TTYH1: variants seen among roughly 807,000 people sequenced by gnomAD.
The protein encoded by TTYH1 is protein tweety homolog 1.
In TTYH1, 33 loss-of-function variants were observed where a neutral mutation model predicts 61.2. That is an observed-to-expected ratio of 0.54 (90% CI 0.41 to 0.72). The LOEUF is 0.72. Ranked by LOEUF, TTYH1 falls within the 30% of genes least tolerant of loss-of-function variation. The pLI, the probability that TTYH1 is intolerant of heterozygous loss-of-function variation, is 0.00. For missense variants in TTYH1, 538 were observed against 575.8 expected, an observed-to-expected ratio of 0.93 and a Z score of 0.67; for synonymous variants, 308 against 266.4, an observed-to-expected ratio of 1.16 and a Z score of -1.52.
chr19:54,435,409 G>C (rs559614927), intron 10 of TTYH1, 133 bp from the exon 11 acceptor site: 2 of 1,139,750 alleles, frequency 1.8e-6, no homozygotes, highest in South Asian at 1.5e-5. Context: ...CTTTGACAGG[G>C]GAAACTGAGG....
rs140680845 is a variant in TTYH1 at position 54,426,767 on chromosome 19, G to C, written c.733G>C (p.Val245Leu). 5 of 1,613,242 alleles carry C rather than the reference G, an allele frequency of 3.1e-6. No individual in the cohort carries two copies. The highest frequency in any genetic ancestry group is 2.2e-5 in the South Asian group (2 of 91,076). Reference protein sequence around the residue: ...LAKQSKWLVIVMTVMSLLVLV... With the variant: ...LAKQSKWLVILMTVMSLLVLV... ...GAAGCAGAGCAAGTGGCTGGTGATC[G>C]TGTAAGTGCAGGCAGTAGGGGGACC... The change falls in exon 5 of 14, where the codon GTG becomes CTG. Residue 245 changes from valine (V) to leucine (L), a missense_variant and splice_region_variant. This residue lies in a region of TTYH1 where 378 missense variants were observed against 401.2 expected (regional missense o/e 0.94). Transcript: ENST00000376530.
chr19:54,420,351 G>A lies in TTYH1; in HGVS notation c.306-926G>A, dbSNP rs1020854731. Among the ~76,000 whole-genome samples the A allele has an allele frequency of 7.2e-5, 11 of 152,182 alleles. No individual in the cohort carries two copies. The highest frequency in any genetic ancestry group is 9.6e-5 in the African/African-American group (4 of 41,460). On this transcript the variant is annotated intron_variant, in intron 2 of 13. Coordinates refer to ENST00000376530, the MANE Select transcript of TTYH1 (RefSeq NM_020659.4). The surrounding 1 kb of genome is among the most constrained non-coding windows in gnomAD (Gnocchi z 4.8). ...GGCTCTCTGGCGTGGGGGGAGACAG[G>A]GGAGGTGGACAAAGGCCCAGTGGGG...
Position 54,436,035 on chromosome 19 carries a change from A to C in TTYH1, c.1315-56A>C, listed in dbSNP as rs1270624599. The C allele has an allele frequency of 3.8e-6, 6 of 1,597,368 alleles. No homozygotes were observed. Among genetic ancestry groups the C allele is most frequent in the Non-Finnish European group, 5.1e-6 (6 of 1,165,988 alleles). On this transcript the variant is annotated intron_variant, in intron 12 of 13. Coordinates refer to ENST00000376530, the MANE Select transcript of TTYH1 (RefSeq NM_020659.4). This position sits in a 1 kb window ranked among gnomAD's most constrained non-coding sequence, Gnocchi z 4.3. The stretch of plus-strand genomic sequence containing the variant: ...GGAGGGGCTGGGGTCCCACAGTACA[A>C]AGCCAATTCCCACTCCATTCCCTCC...
At chr19:54,430,428 T>G in intron 7 of TTYH1, 122 bp from the exon 8 acceptor site, 7 of 1,078,680 alleles carry the variant, frequency 6.5e-6, no homozygotes, top group South Asian at 5.3e-5. Context: ...GGTAAGGCCA[T>G]CGGGCTCCAG....
Position 54,419,169 on chromosome 19 carries a change from C to T in TTYH1, c.168C>T (p.Gly56=), listed in dbSNP as rs2122860111. The change falls in exon 2 of 14, where the codon GGC becomes GGT. Residue 56 remains glycine (G), a synonymous_variant. Transcript: ENST00000376530. The surrounding 1 kb of genome is among the most constrained non-coding windows in gnomAD (Gnocchi z 6.1). ...CGGCCTTGGCGGGCCTGGGCTTGGG[C>T]CTGAGCCTCATTTTCATCGCTGTCT... ...LVAALAGLGL[G]LSLIFIAVYL... 6.2e-7 allele frequency: 1 copy of T among 1,613,310 alleles called. No individual in the cohort carries two copies. Among genetic ancestry groups the T allele is most frequent in the South Asian group, 1.1e-5 (1 of 91,084 alleles).
In TTYH1 at chr19:54,422,420, TG is replaced by T; in HGVS notation, c.638+11del. Reference sequence around the variant, plus strand: ...TTGTGGAGGAGTACAGGTGAGACGCTGCTCTTCTTGCTCTCTGTGCCGGCAG... The same window carrying T: ...TTGTGGAGGAGTACAGGTGAGACGCTCTCTTCTTGCTCTCTGTGCCGGCAG... On this transcript the variant is annotated intron_variant, in intron 4 of 13. Coordinates refer to ENST00000376530, the MANE Select transcript of TTYH1 (RefSeq NM_020659.4). 1 of 1,504,306 alleles carries T rather than the reference TG, an allele frequency of 6.6e-7. No homozygotes were observed. Among genetic ancestry groups the T allele is most frequent in the Non-Finnish European group, 8.9e-7 (1 of 1,118,732 alleles). The allele number at this position is 1,504,306 out of a possible 1,614,324, so 93.2% of individuals were successfully genotyped here.
At position 54,434,419 on chromosome 19, in the gene TTYH1, C is replaced by G. The variant is rs989217630; in HGVS notation, c.1126-1123C>G. 1 of 153,378 alleles carries G rather than the reference C, an allele frequency of 6.5e-6. No individual in the cohort carries two copies. Among genetic ancestry groups the G allele is most frequent in the African/African-American group, 2.4e-5 (1 of 41,442 alleles). The allele number at this position is 153,378 out of a possible 1,614,324, so 9.5% of individuals were successfully genotyped here. A position where few individuals can be genotyped will look rare whatever the true frequency, so the allele number is the denominator to read the frequency against. ...GTCTGCCTCTGGCCTCAGCCCCTCC[C>G]AGCTTCCTCTGCACAGCCCTCTGCC... is the stretch of plus-strand genomic sequence containing the variant. On this transcript the variant is annotated intron_variant, in intron 10 of 13. Coordinates refer to ENST00000376530, the MANE Select transcript of TTYH1 (RefSeq NM_020659.4). The surrounding 1 kb of genome is among the most constrained non-coding windows in gnomAD (Gnocchi z 4.3).
chr19:54,424,893 C>A (rs1272242071), intron 4 of TTYH1, among the ~76,000 whole-genome samples: 2 of 151,984 alleles, frequency 1.3e-5, no homozygotes, highest in Non-Finnish European at 2.9e-5. Context: ...GCTGTTGTTA[C>A]GGCGGGTCCT....
chr19:54,423,395 A>G (rs1201852952), intron 4 of TTYH1, among the ~76,000 whole-genome samples: 1 of 151,970 alleles, frequency 6.6e-6, no homozygotes, highest in Admixed American at 6.6e-5. Context: ...ACGGGGTTTC[A>G]CCATGTTAGC....
Position 54,436,363 on chromosome 19 carries a change from C to T in TTYH1, c.*73C>T, listed in dbSNP as rs1437423994. ...TCCCTGGCTGCCGGAGGAGACCCCA[C>T]TAACCCAGCCTGCCTGGGCTCTGAC... On this transcript the variant is annotated 3_prime_UTR_variant, in exon 14 of 14. Coordinates refer to ENST00000376530, the MANE Select transcript of TTYH1 (RefSeq NM_020659.4). This position sits in a 1 kb window ranked among gnomAD's most constrained non-coding sequence, Gnocchi z 4.3. The T allele has an allele frequency of 6.2e-7, 1 of 1,614,024 alleles. No homozygotes were observed. Among genetic ancestry groups the T allele is most frequent in the East Asian group, 2.2e-5 (1 of 44,894 alleles).
At chr19:54,418,868 T>C (rs534043543) in intron 1 of TTYH1, among the ~76,000 whole-genome samples, 4 of 152,276 alleles carry the variant, frequency 2.6e-5, no homozygotes, top group South Asian at 2.1e-4. Flanking sequence ...GCACAGCCAA[T>C]GGAGGGCAGA....
intron 4 of TTYH1, among the ~76,000 whole-genome samples, chr19:54,423,900 C>T (rs963899213): frequency 1.3e-5 from 2 of 152,124 alleles, no homozygotes; most frequent in Non-Finnish European, 2.9e-5. Flanking sequence ...CGGTGGTTCA[C>T]GCCTGTAATC....
rs2083170186 is a variant in TTYH1 at position 54,419,841 on chromosome 19, C to A, written c.305+535C>A. 6.6e-6 allele frequency among the ~76,000 whole-genome samples: 1 copy of A among 152,150 alleles called. No homozygotes were observed. Among genetic ancestry groups the A allele is most frequent in the Non-Finnish European group, 1.5e-5 (1 of 68,020 alleles). ...TGTGCCAGATACTGACCAAGCCAGG[C>A]AAGGAGCCCCTCGTGCAGCTTATGT... On this transcript the variant is annotated intron_variant, in intron 2 of 13. Coordinates refer to ENST00000376530, the MANE Select transcript of TTYH1 (RefSeq NM_020659.4). The surrounding 1 kb of genome is among the most constrained non-coding windows in gnomAD (Gnocchi z 6.1).
Position 54,415,499 on chromosome 19 carries a change from C to T in TTYH1, c.-54C>T, listed in dbSNP as rs899266089. The T allele has an allele frequency of 1.5e-6, 2 of 1,332,740 alleles. No individual in the cohort carries two copies. The highest frequency in any genetic ancestry group is 3.3e-5 in the East Asian group (1 of 30,338). 82.6% of individuals were successfully genotyped at this position (1,332,740 alleles called of 1,614,324 possible). On this transcript the variant is annotated 5_prime_UTR_variant, in exon 1 of 14. Coordinates refer to ENST00000376530, the MANE Select transcript of TTYH1 (RefSeq NM_020659.4). The surrounding 1 kb of genome is among the most constrained non-coding windows in gnomAD (Gnocchi z 5.2). Reference sequence around the variant, plus strand: ...CGCGCCGCCCGCGCCCCGCTCGACTCCGGAGGCTCCCGCAGCCCCGGCGTC... The same window carrying T: ...CGCGCCGCCCGCGCCCCGCTCGACTTCGGAGGCTCCCGCAGCCCCGGCGTC...
In TTYH1 at chr19:54,420,980, G is replaced by T; in HGVS notation, c.306-297G>T. On this transcript the variant is annotated intron_variant, in intron 2 of 13. Transcript: ENST00000376530. The surrounding 1 kb of genome is among the most constrained non-coding windows in gnomAD (Gnocchi z 4.8). ...CCCATCCCGGAGCTGGGTGTGACTG[G>T]GGTTCTGCTCCAGGGAGGTGCGAGT... 2.1e-6 allele frequency: 1 copy of T among 476,556 alleles called. No homozygotes were observed. The allele number at this position is 476,556 out of a possible 1,614,324, so 29.5% of individuals were successfully genotyped here. A position where few individuals can be genotyped will look rare whatever the true frequency, so the allele number is the denominator to read the frequency against.
At chr19:54,430,723 C>T in intron 8 of TTYH1, 90 bp from the exon 9 acceptor site, 1 of 1,580,298 alleles carries the variant, frequency 6.3e-7, no homozygotes, top group Non-Finnish European at 8.7e-7. Flanking sequence ...GGATGCAGGC[C>T]AGGGGCCCGA....
rs146623268 is a variant in TTYH1 at position 54,420,302 on chromosome 19, T to C, written c.306-975T>C. Among the ~76,000 whole-genome samples the C allele has an allele frequency of 0.014, 2,141 of 152,196 alleles. 22 individuals are homozygous for C. The highest frequency in any genetic ancestry group is 0.047 in the South Asian group (225 of 4,826). On this transcript the variant is annotated intron_variant, in intron 2 of 13. Coordinates refer to ENST00000376530, the MANE Select transcript of TTYH1 (RefSeq NM_020659.4). The surrounding 1 kb of genome is among the most constrained non-coding windows in gnomAD (Gnocchi z 4.8). ...AGGGGAGGGACCTGTAGGGGTGGCC[T>C]GTATTCAGGACGCTTCCTCCTCCGG...
chr19:54,435,626 G>A lies in TTYH1; in HGVS notation c.1210G>A (p.Gly404Arg), dbSNP rs774852743. The change falls in exon 11 of 14, where the codon GGA (glycine) becomes AGA (arginine). Residue 404 changes from glycine (G) to arginine (R), a missense_variant. Physicochemically the swap from Gly to Arg is moderately radical, Grantham distance 125 (BLOSUM62 -2). Around this residue, in one of 3 missense-constraint regions of TTYH1, gnomAD observed 378 missense variants for 401.2 expected, o/e 0.94. Transcript: ENST00000376530. ...FLLLFSLLSA[G>R]ALATALCSLP... ...GCTACTCTTCTCCCTGCTGTCTGCA[G>A]GAGCGCTGGCCACTGCCCTCTGCAG... 1 of 1,612,202 alleles carries A rather than the reference G, an allele frequency of 6.2e-7. No homozygotes were observed.
Position 54,435,643 on chromosome 19 carries a change from C to A in TTYH1, c.1227C>A (p.Ala409=), listed in dbSNP as rs1331006689. 3.5e-5 allele frequency: 57 copies of A among 1,611,692 alleles called. No homozygotes were observed. The highest frequency in any genetic ancestry group is 4.7e-5 in the Non-Finnish European group (56 of 1,179,386). ...TGTCTGCAGGAGCGCTGGCCACTGC[C>A]CTCTGCAGCCTGCCCCGAGCCTGGG... is the stretch of plus-strand genomic sequence containing the variant. ...SLLSAGALAT[A]LCSLPRAWAL... The change falls in exon 11 of 14, where the codon GCC becomes GCA. Residue 409 remains alanine, a synonymous_variant. Coordinates refer to ENST00000376530, the MANE Select transcript of TTYH1 (RefSeq NM_020659.4).
Sources: gnomAD v4.1 joint callset for allele counts (sites outside exome capture counted in the v4.1 genomes callset) on GRCh38, gnomAD v4.1.1 for gene constraint, gnomAD v4.1.1 regional missense constraint, Gnocchi (gnomAD v3.1) non-coding constraint, MANE v1.5 for transcripts, NCBI Gene and HGNC (gene_info 2026-07-23, HGNC 2026-07-21) for gene names.